Variants in SEMA3A observed in about 807,000 individuals in gnomAD.
SEMA3A encodes semaphorin 3A, also known as semaphorin-3A.
Under a neutral mutation model 97.9 loss-of-function variants are expected in SEMA3A, and 29 were observed. The observed-to-expected ratio is 0.30, with a 90% confidence interval of 0.22 to 0.40. SEMA3A has a LOEUF of 0.40. Ranked by LOEUF, SEMA3A falls within the 10% of genes least tolerant of loss-of-function variation. SEMA3A has a pLI of 1.00. For synonymous variants in SEMA3A, 321 were observed against 323.7 expected (o/e 0.99, Z 0.09); for missense variants, 763 against 951.3 (o/e 0.80, Z 2.60).
At chr7:84,186,357 CAAGT>C (rs1333187320) in intron 1 of SEMA3A, among the ~76,000 whole-genome samples, 1 of 151,972 alleles carries the variant, frequency 6.6e-6, no homozygotes, top group Non-Finnish European at 1.5e-5. Context: ...ACATAGAACG[CAAGT>C]AAGAAATAGT....
At chr7:84,220,803 C>T (rs1198704091) in intron 3 of SEMA3A, among the ~76,000 whole-genome samples, 2 of 152,102 alleles carry the variant, frequency 1.3e-5, no homozygotes, top group Non-Finnish European at 2.9e-5. Flanking sequence ...ACTTCATTGT[C>T]CCATATGCAG....
intron 1 of SEMA3A, among the ~76,000 whole-genome samples, chr7:84,407,224 T>A (rs898709158): frequency 2.0e-5 from 3 of 152,210 alleles, no homozygotes; most frequent in Admixed American, 2.0e-4. Flanking sequence ...AAAATCAATG[T>A]GCAAAAATCA....
intron 2 of SEMA3A, among the ~76,000 whole-genome samples, chr7:84,363,457 A>G (rs375482274): frequency 3.3e-5 from 5 of 151,908 alleles, no homozygotes; most frequent in Non-Finnish European, 1.5e-5. Flanking sequence ...TTTTCACCCC[A>G]GTTCTTTAAA....
chr7:84,226,098 G>A (rs1352665205), intron 3 of SEMA3A, among the ~76,000 whole-genome samples: 2 of 152,070 alleles, frequency 1.3e-5, no homozygotes, highest in Non-Finnish European at 2.9e-5. Context: ...TCATCTTGAA[G>A]TAAGTCTAAG....
intron 1 of SEMA3A, among the ~76,000 whole-genome samples, chr7:84,190,577 A>T (rs1391745089): frequency 6.6e-6 from 1 of 151,084 alleles, no homozygotes; most frequent in East Asian, 1.9e-4. Flanking sequence ...TTTCCTAAAA[A>T]CATTCCATTT....
chr7:84,207,706 TA>T (rs1798523293), intron 3 of SEMA3A, among the ~76,000 whole-genome samples: 1 of 152,190 alleles, frequency 6.6e-6, no homozygotes, highest in Admixed American at 6.5e-5. Context: ...TCAGGCATGA[TA>T]AAATTTAAGA....
chr7:84,277,298 AT>A (rs1290694093), intron 3 of SEMA3A, among the ~76,000 whole-genome samples: 1 of 152,084 alleles, frequency 6.6e-6, no homozygotes, highest in East Asian at 1.9e-4. Flanking sequence ...TCATGGTTTA[AT>A]ATATAGATAT....
chr7:84,235,363 T>C (rs1799211982), intron 3 of SEMA3A, among the ~76,000 whole-genome samples: 1 of 152,018 alleles, frequency 6.6e-6, no homozygotes, highest in Non-Finnish European at 1.5e-5. Context: ...TTTATAAGTG[T>C]CTTGTATGTG....
chr7:84,467,984 C>A (rs1223152120), intron 1 of SEMA3A, among the ~76,000 whole-genome samples: 5 of 152,066 alleles, frequency 3.3e-5, no homozygotes, highest in Admixed American at 2.0e-4. Context: ...CAAGCCCTAC[C>A]AAGCAAAATG....
chr7:84,422,039 G>C (rs1444274684), intron 1 of SEMA3A, among the ~76,000 whole-genome samples: 1 of 152,114 alleles, frequency 6.6e-6, no homozygotes, highest in Non-Finnish European at 1.5e-5. Flanking sequence ...CATAAAATGA[G>C]TTAGAGAGGA....
chr7:84,142,216 A>G (rs1427104336), intron 1 of SEMA3A, among the ~76,000 whole-genome samples: 2 of 152,210 alleles, frequency 1.3e-5, no homozygotes, highest in African/African-American at 4.8e-5. Context: ...CTACTAAGTC[A>G]ACAAAAACAC....
intron 5 of SEMA3A, among the ~76,000 whole-genome samples, chr7:84,055,076 T>A (rs6961314): frequency 6.7e-6 from 1 of 149,454 alleles, no homozygotes; most frequent in South Asian, 2.2e-4. Context: ...GATCTCCAGC[T>A]GCGTGCTGGG....
chr7:83,980,623 A>AAAAAAAAAATATATATAT (rs1310318006), intron 14 of SEMA3A, among the ~76,000 whole-genome samples: 1 of 71,750 alleles, frequency 1.4e-5, no homozygotes, highest in African/African-American at 8.3e-5. Flanking sequence ...AAAAAAAAAA[A>AAAAAAAAAATATATATAT]ATATATATAT....
chr7:84,372,992 G>A (rs1006550740), intron 1 of SEMA3A, among the ~76,000 whole-genome samples: 1 of 152,146 alleles, frequency 6.6e-6, no homozygotes, highest in Admixed American at 6.5e-5. Context: ...CAAAAGCTGA[G>A]TCCTCAAGAT....
chr7:84,173,269 G>C (rs1369925499), intron 1 of SEMA3A, among the ~76,000 whole-genome samples: 1 of 151,774 alleles, frequency 6.6e-6, no homozygotes, highest in Non-Finnish European at 1.5e-5. Context: ...ATCTTTAAAA[G>C]TTTTGGCCAG....
chr7:84,044,822 T>C (rs1792285566), intron 6 of SEMA3A, among the ~76,000 whole-genome samples: 1 of 151,924 alleles, frequency 6.6e-6, no homozygotes, highest in Non-Finnish European at 1.5e-5. Flanking sequence ...AAGAAATCAG[T>C]GCTGAAAAAG....
intron 1 of SEMA3A, among the ~76,000 whole-genome samples, chr7:84,173,916 AG>A (rs1797478550): frequency 6.6e-6 from 1 of 152,176 alleles, no homozygotes; most frequent in Non-Finnish European, 1.5e-5. Context: ...TGAGGGACCT[AG>A]GTTGCATGCT....
intron 1 of SEMA3A, among the ~76,000 whole-genome samples, chr7:84,161,789 G>T (rs1797043144): frequency 6.6e-6 from 1 of 152,134 alleles, no homozygotes; most frequent in Admixed American, 6.5e-5. Context: ...TGCTCAAAAT[G>T]TGAGAGGCTG....
rs1181670089 is a variant in SEMA3A at position 84,051,531 on chromosome 7, G to C, written c.548-5088C>G. Among the ~76,000 whole-genome samples the C allele has an allele frequency of 9.2e-5, 14 of 152,264 alleles. 1 individual carries two copies. The highest frequency in any genetic ancestry group is 2.0e-4 in the Admixed American group (3 of 15,298). On this transcript the variant is annotated intron_variant, in intron 5 of 16. Transcript: ENST00000265362. ...CTGTTTGTCTGTTGATGGTGTATAA[G>C]AATGCTTGTGATTTCTGTACATTGA... is the stretch of plus-strand genomic sequence containing the variant.
Sources: allele counts gnomAD v4.1 joint callset (sites outside exome capture counted in the v4.1 genomes callset), GRCh38; gene constraint gnomAD v4.1.1; transcripts MANE v1.5; gene names NCBI Gene and HGNC (gene_info 2026-07-23, HGNC 2026-07-21).